Variants in PAPPA2 observed in about 807,000 individuals in gnomAD.
PAPPA2 encodes the protein pappalysin 2.
Under a neutral mutation model 176.4 loss-of-function variants are expected in PAPPA2, and 86 were observed. The ratio of observed to expected loss-of-function variants is 0.49; its 90% CI spans 0.41 to 0.58. PAPPA2 has a LOEUF of 0.58. PAPPA2 is among the 20% of genes least tolerant of loss of function. The pLI, the probability that PAPPA2 is intolerant of heterozygous loss-of-function variation, is 0.00. For missense variants in PAPPA2, 2,073 were observed against 2,256.9 expected, an observed-to-expected ratio of 0.92 and a Z score of 1.65; for synonymous variants, 809 against 852.2, an observed-to-expected ratio of 0.95 and a Z score of 0.88.
chr1:176,718,002 A>T (rs1052411361), intron 12 of PAPPA2, among the ~76,000 whole-genome samples: 21 of 152,148 alleles, frequency 1.4e-4, no homozygotes, highest in Admixed American at 1.4e-3. Context: ...TCTCAGCTCT[A>T]TGGAATATTT....
chr1:176,612,804 T>C (rs968826514), intron 3 of PAPPA2, among the ~76,000 whole-genome samples: 2 of 152,172 alleles, frequency 1.3e-5, no homozygotes, highest in African/African-American at 4.8e-5. Context: ...CTCAATGTCG[T>C]TTTCTAGAAG....
chr1:176,784,640 G>T (rs1664854633), intron 17 of PAPPA2, among the ~76,000 whole-genome samples: 1 of 150,746 alleles, frequency 6.6e-6, no homozygotes, highest in South Asian at 2.1e-4. Flanking sequence ...AGGCTGGAGT[G>T]CAGTGGTGCG....
At chr1:176,804,987 T>C (rs1352542173) in intron 21 of PAPPA2, among the ~76,000 whole-genome samples, 1 of 152,106 alleles carries the variant, frequency 6.6e-6, no homozygotes, top group Non-Finnish European at 1.5e-5. Flanking sequence ...TCTCCTGGGG[T>C]AATAATTGAA....
At chr1:176,637,401 G>A (rs570846527) in intron 3 of PAPPA2, among the ~76,000 whole-genome samples, 1 of 152,224 alleles carries the variant, frequency 6.6e-6, no homozygotes, top group African/African-American at 2.4e-5. Flanking sequence ...ATAAACAGAT[G>A]GGTTAGAAGA....
chr1:176,824,537 T>A (rs555890444), intron 21 of PAPPA2, among the ~76,000 whole-genome samples: 2 of 152,216 alleles, frequency 1.3e-5, no homozygotes, highest in Non-Finnish European at 1.5e-5. Context: ...TTCTAATTTA[T>A]TTTTTAATTA....
At chr1:176,792,588 A>G (rs1365831147) in intron 19 of PAPPA2, among the ~76,000 whole-genome samples, 1 of 152,162 alleles carries the variant, frequency 6.6e-6, no homozygotes, top group Non-Finnish European at 1.5e-5. Context: ...AGTTCTTTTG[A>G]TTGTTTTAAA....
intron 12 of PAPPA2, among the ~76,000 whole-genome samples, chr1:176,730,488 T>C (rs1038994982): frequency 1.3e-5 from 2 of 152,062 alleles, no homozygotes; most frequent in Non-Finnish European, 2.9e-5. Flanking sequence ...GAACCTTCTT[T>C]TTCTCTTTTT....
chr1:176,802,292 G>C (rs542732944), intron 21 of PAPPA2, among the ~76,000 whole-genome samples: 9 of 152,216 alleles, frequency 5.9e-5, no homozygotes, highest in African/African-American at 1.7e-4. Context: ...TGTAGGAAAG[G>C]AAGGGGAACT....
intron 19 of PAPPA2, 69 bp from the exon 20 acceptor site, chr1:176,793,491 T>C (rs540024759): frequency 1.6e-4 from 210 of 1,351,480 alleles, no homozygotes; most frequent in Non-Finnish European, 2.0e-4. Flanking sequence ...TCAAAGCTAT[T>C]GATTCCTGAA....
At chr1:176,812,812 T>C (rs1666214069) in intron 21 of PAPPA2, among the ~76,000 whole-genome samples, 1 of 152,102 alleles carries the variant, frequency 6.6e-6, no homozygotes, top group Non-Finnish European at 1.5e-5. Flanking sequence ...TAAGGGTACA[T>C]GTGCAGGAAG....
At position 176,556,934 on chromosome 1, in the gene PAPPA2, G is replaced by A; in HGVS notation, c.612G>A (p.Arg204=). The change falls in exon 2 of 23, where the codon AGG becomes AGA. Residue 204 remains arginine (R), a synonymous_variant. Transcript: ENST00000367662. ...KSRQRRQVWK[R]RAEDGQGDSG... ...GGCAGCGTCGCCAAGTGTGGAAGAG[G>A]CGGGCGGAAGATGGGCAGGGAGACT... is the stretch of plus-strand genomic sequence containing the variant. 1 of 1,614,106 alleles carries A rather than the reference G, an allele frequency of 6.2e-7. No individual in the cohort carries two copies. Among genetic ancestry groups the A allele is most frequent in the Non-Finnish European group, 8.5e-7 (1 of 1,180,020 alleles).
chr1:176,613,391 G>A (rs564657586), intron 3 of PAPPA2, among the ~76,000 whole-genome samples: 1 of 152,310 alleles, frequency 6.6e-6, no homozygotes, highest in African/African-American at 2.4e-5. Context: ...TGGATGAGGA[G>A]GCGTCTCTCA....
intron 1 of PAPPA2, among the ~76,000 whole-genome samples, chr1:176,495,487 C>T (rs996164690): frequency 7.4e-5 from 11 of 148,788 alleles, no homozygotes; most frequent in African/African-American, 1.7e-4. Flanking sequence ...TTGCAGTGAG[C>T]GAAGATCATG....
At chr1:176,815,937 C>G (rs1666362238) in intron 21 of PAPPA2, among the ~76,000 whole-genome samples, 1 of 151,746 alleles carries the variant, frequency 6.6e-6, no homozygotes, top group Non-Finnish European at 1.5e-5. Context: ...TCAGGTGAGT[C>G]TCAGAGGGAT....
intron 6 of PAPPA2, among the ~76,000 whole-genome samples, chr1:176,692,728 A>G (rs1660175933): frequency 2.0e-5 from 3 of 152,102 alleles, no homozygotes; most frequent in Non-Finnish European, 4.4e-5. Context: ...GTGTGGGTGG[A>G]TGGTAGTGTG....
chr1:176,568,827 C>G (rs1652141547), intron 2 of PAPPA2, among the ~76,000 whole-genome samples: 1 of 152,190 alleles, frequency 6.6e-6, no homozygotes, highest in Non-Finnish European at 1.5e-5. Flanking sequence ...TTCTGACTGT[C>G]TCTAACCCGA....
chr1:176,486,820 AG>A (rs1341929311), intron 1 of PAPPA2, among the ~76,000 whole-genome samples: 1 of 152,208 alleles, frequency 6.6e-6, no homozygotes, highest in Non-Finnish European at 1.5e-5. Flanking sequence ...CTTGAAGTTC[AG>A]GAGGTCTTGG....
At chr1:176,817,582 A>G (rs1350340971) in intron 21 of PAPPA2, among the ~76,000 whole-genome samples, 4 of 152,164 alleles carry the variant, frequency 2.6e-5, no homozygotes, top group Admixed American at 6.5e-5. Flanking sequence ...CAAGGCACCA[A>G]TAGTATAGAT....
intron 2 of PAPPA2, among the ~76,000 whole-genome samples, chr1:176,582,738 T>C (rs1249862471): frequency 6.6e-6 from 1 of 152,142 alleles, no homozygotes; most frequent in East Asian, 1.9e-4. Context: ...TGTATCCTTG[T>C]CTGGTTTTGG....
Sources: gnomAD v4.1 joint callset for allele counts (sites outside exome capture counted in the v4.1 genomes callset) on GRCh38, gnomAD v4.1.1 for gene constraint, MANE v1.5 for transcripts, NCBI Gene and HGNC (gene_info 2026-07-23, HGNC 2026-07-21) for gene names.